Variants in GTPBP6 observed in about 807,000 individuals in gnomAD.
The protein encoded by GTPBP6 is GTP binding protein 6.
Under a neutral mutation model 28.9 loss-of-function variants are expected in GTPBP6, and 33 were observed. The observed-to-expected ratio is 1.14, with a 90% CI of 0.87 to 1.53. The LOEUF is 1.53. Among genes scored for constraint, GTPBP6 ranks in the 40% most tolerant of loss-of-function variants. The probability of loss-of-function intolerance (pLI) is 0.00; values close to 1 mark genes in which losing one functional copy is unlikely to be tolerated. For missense variants in GTPBP6, 507 were observed against 408.3 expected (o/e 1.24, Z -2.08); for synonymous variants, 231 against 192.7 (o/e 1.20, Z -1.65).
chrX:311,426 GCCA>G (rs2070294823), exon 7 of GTPBP6: 1 of 1,348,046 alleles, frequency 7.4e-7, no homozygotes, highest in African/African-American at 2.0e-5. Context: ...CACCGAGTGG[GCCA>G]CGTCTTCCAG....
At chrX:308,383 CCACGTCTACTTTTTGTTTGTTTGGATG>C (rs1297170089) in intron 7 of GTPBP6, among the ~76,000 whole-genome samples, 1 of 152,134 alleles carries the variant, frequency 6.6e-6, no homozygotes, top group African/African-American at 2.4e-5. Context: ...ACCGGGGTAT[CCACGTCTACTTTTTGTTTGTTTGGATG>C]CACTTAATAC....
exon 6 of GTPBP6, chrX:312,823 G>A (rs767254985): frequency 1.6e-5 from 25 of 1,612,612 alleles, no homozygotes; most frequent in Middle Eastern, 3.7e-4. Context: ...GTCCGCTGCC[G>A]GCGGAGCAGG....
intron 7 of GTPBP6, 52 bp downstream of exon 7, chrX:311,367 C>T (rs1332542194): frequency 1.6e-5 from 22 of 1,342,870 alleles, no homozygotes; most frequent in East Asian, 2.4e-5. Flanking sequence ...GTGCCCAGCC[C>T]CCGTGCCGAA....
At chrX:313,390 C>T (rs1258674246) in intron 5 of GTPBP6, among the ~76,000 whole-genome samples, 12 of 152,096 alleles carry the variant, frequency 7.9e-5, no homozygotes, top group African/African-American at 1.4e-4. Context: ...AAGCAGAGAC[C>T]GGAGTGACGA....
At chrX:315,267 C>T (rs1400604676) in exon 3 of GTPBP6, 11 of 398,436 alleles carry the variant, frequency 2.8e-5, no homozygotes, top group East Asian at 1.8e-4. Flanking sequence ...TTCAGGAAGA[C>T]GCACGTGATG....
chrX:305,698 C>T (rs1260709479), intron 9 of GTPBP6, among the ~76,000 whole-genome samples: 4 of 149,306 alleles, frequency 2.7e-5, no homozygotes, highest in Non-Finnish European at 5.9e-5. Flanking sequence ...GATCTTGGCT[C>T]ACTGCAACCT....
At chrX:311,705 T>G (rs2070303997) in intron 6 of GTPBP6, 78 bp from the exon 7 acceptor site, 1 of 1,199,754 alleles carries the variant, frequency 8.3e-7, no homozygotes, top group African/African-American at 1.5e-5. Flanking sequence ...GCCCTCCAAA[T>G]GGAGACCACG....
intron 8 of GTPBP6, 109 bp downstream of exon 8, chrX:307,623 G>T: frequency 7.0e-7 from 1 of 1,428,936 alleles, no homozygotes; most frequent in Non-Finnish European, 9.4e-7. Context: ...CACTCCCTGT[G>T]TCCTGACTGC....
At chrX:311,927 G>A in intron 6 of GTPBP6, 2 of 586,302 alleles carry the variant, frequency 3.4e-6, no homozygotes, top group Admixed American at 2.8e-5. Flanking sequence ...ATTTGGCAAT[G>A]GCGTAGATGG....
chrX:311,152 G>A (rs1227939894), intron 7 of GTPBP6, among the ~76,000 whole-genome samples: 6 of 150,740 alleles, frequency 4.0e-5, no homozygotes, highest in Non-Finnish European at 7.4e-5. Flanking sequence ...CTAAGTCTGA[G>A]CCCCAGGAGG....
intron 2 of GTPBP6, among the ~76,000 whole-genome samples, chrX:316,185 CACATACACAG>C (rs2070436034): frequency 1.4e-5 from 1 of 71,422 alleles, no homozygotes; most frequent in Non-Finnish European, 3.0e-5. Context: ...CACACACAGA[CACATACACAG>C]AGACACACAC....
intron 2 of GTPBP6, among the ~76,000 whole-genome samples, chrX:316,489 T>G (rs1260084915): frequency 6.6e-6 from 1 of 152,010 alleles, no homozygotes; most frequent in African/African-American, 2.4e-5. Context: ...TCTTCCCAAC[T>G]CTACTGGAAG....
chrX:312,635 C>T, intron 6 of GTPBP6, 131 bp downstream of exon 6: 1 of 950,796 alleles, frequency 1.1e-6, no homozygotes, highest in South Asian at 1.4e-5. Flanking sequence ...AACCCCCTCT[C>T]CTGGGCACGT....
exon 7 of GTPBP6, chrX:311,534 C>G: frequency 6.2e-7 from 1 of 1,612,156 alleles, no homozygotes; most frequent in Middle Eastern, 2.0e-4. Context: ...GGGCAGCGTG[C>G]CCGCGTGGGC....
chrX:304,844 G>A, exon 10 of GTPBP6: 1 of 1,410,860 alleles, frequency 7.1e-7, no homozygotes, highest in Non-Finnish European at 9.2e-7. Flanking sequence ...CTGGAATTGT[G>A]TGGATGCTCA....
Position 313,103 on chromosome X carries a change from C to T in GTPBP6, c.758-179G>A, listed in dbSNP as rs180711292. ...CTGTTCCATGAGAAAGGGCTCTGCT[C>T]GGCGGAACGGGATCTCGCCTCCGGG... On this transcript the variant is annotated intron_variant, in intron 5 of 9. Coordinates refer to ENST00000326153, the Ensembl canonical transcript of GTPBP6. Among the ~76,000 whole-genome samples, 990 of 152,338 alleles carry T rather than the reference C, an allele frequency of 6.5e-3. 8 individuals carry two copies. Among genetic ancestry groups the T allele is most frequent in the South Asian group, 0.02 (95 of 4,828 alleles).
At chrX:307,273 C>G in intron 9 of GTPBP6, 87 bp downstream of exon 9, 1 of 1,266,066 alleles carries the variant, frequency 7.9e-7, no homozygotes, top group Non-Finnish European at 1.1e-6. Flanking sequence ...TCTCACAGCT[C>G]CTTGTGCACC....
At chrX:318,639 G>A (rs1264958389) in exon 1 of GTPBP6, 2 of 397,396 alleles carry the variant, frequency 5.0e-6, no homozygotes, top group Non-Finnish European at 4.4e-6. Context: ...TCCGCCCCAC[G>A]GCCCCTCCAG....
intron 6 of GTPBP6, 163 bp from the exon 7 acceptor site, chrX:311,790 G>T (rs762781431): frequency 1.1e-5 from 7 of 640,248 alleles, no homozygotes; most frequent in African/African-American, 5.4e-5. Context: ...GACCCGACGC[G>T]TGGGACAAAG....
Sources: gnomAD v4.1 joint callset for allele counts (sites outside exome capture counted in the v4.1 genomes callset) on GRCh38, gnomAD v4.1.1 for gene constraint, MANE v1.5 for transcripts, NCBI Gene and HGNC (gene_info 2026-07-23, HGNC 2026-07-21) for gene names.